STPG4: variants seen among roughly 807,000 people sequenced by gnomAD.
The protein encoded by STPG4 is sperm-tail PG-rich repeat containing 4, also known as protein STPG4.
STPG4 carries 41 observed loss-of-function variants against 31.5 expected under a neutral mutation model. That is an observed-to-expected ratio of 1.30 (90% CI 1.01 to 1.69). The LOEUF is 1.69. STPG4 is among the 40% of genes most tolerant of loss of function. The probability of loss-of-function intolerance (pLI) is 0.00; values close to 1 mark genes in which losing one functional copy is unlikely to be tolerated. For missense variants in STPG4, 375 were observed against 293.4 expected, an observed-to-expected ratio of 1.28 and a Z score of -2.03; for synonymous variants, 141 against 103.0, an observed-to-expected ratio of 1.37 and a Z score of -2.24.
At chr2:47,133,617 G>A (rs187056236) in intron 3 of STPG4, among the ~76,000 whole-genome samples, 170 of 99,294 alleles carry the variant, frequency 1.7e-3, no homozygotes, top group African/African-American at 6.1e-3. Context: ...GGCTCTTGTC[G>A]CCCAGGCTGG....
chr2:47,100,377 G>T (rs1244135353), intron 5 of STPG4, among the ~76,000 whole-genome samples: 1 of 149,672 alleles, frequency 6.7e-6, no homozygotes, highest in African/African-American at 2.5e-5. Context: ...GGGCCTTGGA[G>T]AACCTTTGTG....
intron 3 of STPG4, 142 bp downstream of exon 3, chr2:47,151,116 T>C: frequency 9.1e-7 from 1 of 1,095,096 alleles, no homozygotes; most frequent in Non-Finnish European, 1.3e-6. Flanking sequence ...CAGGCAGTCC[T>C]TGTTTGATTT....
At chr2:47,134,952 T>C (rs1169987863) in intron 3 of STPG4, among the ~76,000 whole-genome samples, 3 of 152,230 alleles carry the variant, frequency 2.0e-5, no homozygotes, top group African/African-American at 4.8e-5. Context: ...TGACATATGA[T>C]GTGAAACGTT....
intron 5 of STPG4, among the ~76,000 whole-genome samples, chr2:47,119,538 C>A (rs1686224281): frequency 6.6e-6 from 1 of 152,160 alleles, no homozygotes. Flanking sequence ...TCACAGCCTT[C>A]ATTTAAAAGC....
intron 5 of STPG4, among the ~76,000 whole-genome samples, chr2:47,114,513 A>T (rs1442074809): frequency 6.6e-6 from 1 of 152,226 alleles, no homozygotes; most frequent in Non-Finnish European, 1.5e-5. Context: ...TCTCAAAAAT[A>T]AAAATAAAAT....
chr2:47,093,393 A>G (rs183271055), intron 5 of STPG4, among the ~76,000 whole-genome samples: 23 of 152,356 alleles, frequency 1.5e-4, no homozygotes, highest in Admixed American at 1.0e-3. Context: ...TAATAAACAC[A>G]AAGAAGCAAA....
intron 6 of STPG4, among the ~76,000 whole-genome samples, chr2:47,089,524 G>A (rs1430774296): frequency 6.6e-6 from 1 of 152,090 alleles, no homozygotes; most frequent in Non-Finnish European, 1.5e-5. Context: ...TTTCTTACAG[G>A]CAGAATTTGT....
At chr2:47,112,710 T>A (rs949725) in intron 5 of STPG4, among the ~76,000 whole-genome samples, 64,501 of 152,046 alleles carry the variant, frequency 0.42, 15,952 homozygotes, top group East Asian at 0.68. Context: ...CAGCCTATTC[T>A]AAGTCAACAG....
At chr2:47,090,538 T>C (rs1473624402) in intron 5 of STPG4, among the ~76,000 whole-genome samples, 164 bp from the exon 6 acceptor site, 1 of 152,206 alleles carries the variant, frequency 6.6e-6, no homozygotes, top group Non-Finnish European at 1.5e-5. Flanking sequence ...GGACAAGTCA[T>C]TGTGAAACGG....
chr2:47,147,975 C>T (rs142024117), intron 3 of STPG4, among the ~76,000 whole-genome samples: 1,688 of 148,788 alleles, frequency 0.011, 38 homozygotes, highest in African/African-American at 0.039. Flanking sequence ...TTTTTGAGAC[C>T]GGGTCTTGCT....
At chr2:47,134,278 G>A (rs999434128) in intron 3 of STPG4, among the ~76,000 whole-genome samples, 2 of 152,156 alleles carry the variant, frequency 1.3e-5, no homozygotes, top group African/African-American at 4.8e-5. Context: ...GGGTTTTGAT[G>A]AATGTGCAAT....
At position 47,103,139 on chromosome 2, in the gene STPG4, G is replaced by A. The variant is rs569083961; in HGVS notation, c.520-12765C>T. ...CCACTGGGACCTTGACTCATATCAT[G>A]GGGACTGGAGTCGTAAACATCTGTT... On this transcript the variant is annotated intron_variant, in intron 5 of 6. Transcript: ENST00000445927. Among the ~76,000 whole-genome samples the A allele has an allele frequency of 5.9e-5, 9 of 151,948 alleles. 1 individual carries two copies. The highest frequency in any genetic ancestry group is 1.7e-4 in the African/African-American group (7 of 41,288).
At chr2:47,151,226 C>T in intron 3 of STPG4, 32 bp downstream of exon 3, 1 of 1,610,688 alleles carries the variant, frequency 6.2e-7, no homozygotes, top group South Asian at 1.1e-5. Flanking sequence ...AGTAGCTTTC[C>T]CACACAAAGC....
intron 5 of STPG4, among the ~76,000 whole-genome samples, chr2:47,107,235 G>C (rs1228588812): frequency 1.3e-5 from 2 of 152,060 alleles, no homozygotes; most frequent in East Asian, 3.9e-4. Context: ...TTCTGGGCTG[G>C]CCAAGGCCAG....
At chr2:47,099,800 T>C (rs1017829923) in intron 5 of STPG4, among the ~76,000 whole-genome samples, 2 of 152,238 alleles carry the variant, frequency 1.3e-5, no homozygotes, top group African/African-American at 2.4e-5. Flanking sequence ...CGGGTGGGCA[T>C]GGGCTTGGTG....
At chr2:47,154,422 C>A (rs536455946) in intron 1 of STPG4, among the ~76,000 whole-genome samples, 2 of 152,126 alleles carry the variant, frequency 1.3e-5, no homozygotes, top group South Asian at 4.1e-4. Flanking sequence ...GAGAAGTAAA[C>A]GCGATCAATC....
At chr2:47,098,632 C>T (rs936497387) in intron 5 of STPG4, among the ~76,000 whole-genome samples, 3 of 151,892 alleles carry the variant, frequency 2.0e-5, no homozygotes, top group Non-Finnish European at 4.4e-5. Context: ...AAATTATGAC[C>T]CCAAATATCT....
chr2:47,149,483 T>A (rs1573201804), intron 3 of STPG4, among the ~76,000 whole-genome samples: 1 of 152,336 alleles, frequency 6.6e-6, no homozygotes, highest in African/African-American at 2.4e-5. Context: ...GGTGCTAGTA[T>A]AATTTAGAGT....
At chr2:47,089,381 C>T (rs1685522305) in intron 6 of STPG4, among the ~76,000 whole-genome samples, 1 of 152,180 alleles carries the variant, frequency 6.6e-6, no homozygotes, top group Non-Finnish European at 1.5e-5. Context: ...ATTCTGCAGG[C>T]CATGGCCTGG....
Sources: gnomAD v4.1 joint callset for allele counts (sites outside exome capture counted in the v4.1 genomes callset) on GRCh38, gnomAD v4.1.1 for gene constraint, MANE v1.5 for transcripts, NCBI Gene and HGNC (gene_info 2026-07-23, HGNC 2026-07-21) for gene names.